The following KLHDC4 variants were observed in gnomAD, a reference collection of about 807,000 sequenced individuals.
KLHDC4 encodes the protein kelch domain containing 4.
KLHDC4 carries 90 observed loss-of-function variants against 62.4 expected under a neutral mutation model. That is an observed-to-expected ratio of 1.44 (90% CI 1.22 to 1.72). The LOEUF (loss-of-function observed/expected upper bound fraction) is 1.72, where lower values mean the gene tolerates loss of function less well. Among genes scored for constraint, KLHDC4 ranks in the 40% most tolerant of loss-of-function variants. The pLI is 0.00. For synonymous variants in KLHDC4, 386 were observed against 284.4 expected, an observed-to-expected ratio of 1.36 and a Z score of -3.59; for missense variants, 1,025 against 699.7, an observed-to-expected ratio of 1.47 and a Z score of -5.25.
chr16:87,729,005 G>A (rs1043081392), intron 6 of KLHDC4, among the ~76,000 whole-genome samples: 2 of 151,996 alleles, frequency 1.3e-5, no homozygotes, highest in Admixed American at 1.3e-4. Context: ...TCAAACTTCT[G>A]GCCTCAAGTG....
chr16:87,744,444 A>G (rs111628321), intron 5 of KLHDC4, among the ~76,000 whole-genome samples: 28,228 of 150,910 alleles, frequency 0.19, 2,824 homozygotes, highest in South Asian at 0.31. Flanking sequence ...TTAGCCAGGC[A>G]TGATGGCAGA....
At chr16:87,716,704 G>A (rs1010455731) in intron 7 of KLHDC4, among the ~76,000 whole-genome samples, 4 of 152,158 alleles carry the variant, frequency 2.6e-5, no homozygotes, top group South Asian at 4.1e-4. Context: ...GCCGAGGGGG[G>A]TAGACCATGA....
intron 7 of KLHDC4, among the ~76,000 whole-genome samples, chr16:87,726,162 G>C (rs967914348): frequency 2.6e-5 from 4 of 151,766 alleles, no homozygotes; most frequent in African/African-American, 9.7e-5. Context: ...AGACAGCAGC[G>C]CCTATTTTCC....
At chr16:87,748,628 C>G (rs767313855) in intron 5 of KLHDC4, 45 bp downstream of exon 5, 2 of 1,611,552 alleles carry the variant, frequency 1.2e-6, no homozygotes, top group Middle Eastern at 1.7e-4. Context: ...CACACAAGCA[C>G]AGAAGAGCCA....
At chr16:87,762,460 A>G (rs919619807) in intron 1 of KLHDC4, among the ~76,000 whole-genome samples, 2 of 152,140 alleles carry the variant, frequency 1.3e-5, no homozygotes, top group African/African-American at 4.8e-5. Context: ...CACTGCAGAC[A>G]CCCTCAGCAC....
intron 5 of KLHDC4, among the ~76,000 whole-genome samples, chr16:87,746,173 G>A (rs1250722958): frequency 1.3e-5 from 2 of 152,114 alleles, no homozygotes; most frequent in South Asian, 2.1e-4. Context: ...GGGGGGCTGA[G>A]GCAGGAAGAC....
chr16:87,722,673 C>T (rs1420294270), intron 7 of KLHDC4, among the ~76,000 whole-genome samples: 1 of 152,208 alleles, frequency 6.6e-6, no homozygotes, highest in Non-Finnish European at 1.5e-5. Context: ...CAAGGACACG[C>T]AGGGGGATGG....
chr16:87,753,497 G>A (rs1429215543), intron 4 of KLHDC4, among the ~76,000 whole-genome samples: 8 of 152,144 alleles, frequency 5.3e-5, no homozygotes, highest in African/African-American at 1.9e-4. Flanking sequence ...TGTTTGATAG[G>A]TGAAAAAATC....
chr16:87,742,443 T>C (rs755194755), intron 5 of KLHDC4, among the ~76,000 whole-genome samples: 3 of 152,216 alleles, frequency 2.0e-5, no homozygotes, highest in Non-Finnish European at 2.9e-5. Context: ...TGAATATTCT[T>C]ACTTCTTTTA....
chr16:87,753,905 G>T (rs553320173), intron 4 of KLHDC4, among the ~76,000 whole-genome samples: 1 of 151,142 alleles, frequency 6.6e-6, no homozygotes, highest in African/African-American at 2.4e-5. Context: ...CCCGGCAGGC[G>T]GAGGTTGTAG....
intron 4 of KLHDC4, among the ~76,000 whole-genome samples, chr16:87,754,916 C>T (rs1023622874): frequency 1.3e-5 from 2 of 152,144 alleles, no homozygotes; most frequent in Non-Finnish European, 2.9e-5. Flanking sequence ...GGGGAGTGAG[C>T]ATTCTGCCAG....
At chr16:87,718,402 G>T (rs1027453111) in intron 7 of KLHDC4, among the ~76,000 whole-genome samples, 2 of 122,478 alleles carry the variant, frequency 1.6e-5, no homozygotes, top group African/African-American at 5.5e-5. Context: ...TCTCTCCACG[G>T]TCTCCCTCTG....
chr16:87,751,850 G>C (rs552798632), intron 4 of KLHDC4, among the ~76,000 whole-genome samples: 2 of 151,964 alleles, frequency 1.3e-5, no homozygotes, highest in South Asian at 2.1e-4. Flanking sequence ...GAGGCGGGCG[G>C]ATCACGAGGC....
intron 4 of KLHDC4, among the ~76,000 whole-genome samples, chr16:87,749,258 A>G (rs2043520176): frequency 6.6e-6 from 1 of 152,070 alleles, no homozygotes; most frequent in African/African-American, 2.4e-5. Flanking sequence ...TGTGCACGTA[A>G]AAGAAAGTGT....
intron 7 of KLHDC4, among the ~76,000 whole-genome samples, chr16:87,721,229 GCTAAC>G (rs1268496919): frequency 1.3e-5 from 2 of 152,048 alleles, no homozygotes; most frequent in Non-Finnish European, 2.9e-5. Context: ...GACCATCCTG[GCTAAC>G]GCAGTAAAAC....
intron 4 of KLHDC4, among the ~76,000 whole-genome samples, chr16:87,753,601 A>T (rs1027149352): frequency 6.6e-6 from 1 of 150,974 alleles, no homozygotes; most frequent in African/African-American, 2.5e-5. Context: ...GGAGTTCGAA[A>T]CCAGCCTGGC....
At chr16:87,736,450 T>C (rs1301740406) in intron 5 of KLHDC4, among the ~76,000 whole-genome samples, 3 of 152,174 alleles carry the variant, frequency 2.0e-5, no homozygotes, top group African/African-American at 4.8e-5. Context: ...CCTGAGAGTC[T>C]AGTGGCTCAT....
chr16:87,722,280 TGGA>T (rs1357935118), intron 7 of KLHDC4, among the ~76,000 whole-genome samples: 1 of 152,182 alleles, frequency 6.6e-6, no homozygotes, highest in Non-Finnish European at 1.5e-5. Flanking sequence ...GCGCAGAGCC[TGGA>T]GGGTGTTTAA....
chr16:87,726,975 T>C (rs774969959), intron 6 of KLHDC4, 51 bp from the exon 7 acceptor site: 32 of 1,589,420 alleles, frequency 2.0e-5, no homozygotes, highest in Non-Finnish European at 2.6e-5. Context: ...GGAAAAGCCC[T>C]GACATTAAAA....
Sources: gnomAD v4.1 joint callset for allele counts (sites outside exome capture counted in the v4.1 genomes callset) on GRCh38, gnomAD v4.1.1 for gene constraint, MANE v1.5 for transcripts, NCBI Gene and HGNC (gene_info 2026-07-23, HGNC 2026-07-21) for gene names.